The following PTPRD variants were observed in gnomAD, a reference collection of about 807,000 sequenced individuals.
PTPRD encodes protein tyrosine phosphatase receptor type D, also known as receptor-type tyrosine-protein phosphatase delta.
Under a neutral mutation model 214.5 loss-of-function variants are expected in PTPRD, and 34 were observed. The ratio of observed to expected loss-of-function variants is 0.16; its 90% CI spans 0.12 to 0.21. The LOEUF (loss-of-function observed/expected upper bound fraction) is 0.21, where lower values mean the gene tolerates loss of function less well. Ranked by LOEUF, PTPRD falls within the 10% of genes least tolerant of loss-of-function variation. The probability of loss-of-function intolerance (pLI) is 1.00; values close to 1 mark genes in which losing one functional copy is unlikely to be tolerated. For synonymous variants in PTPRD, 1,128 were observed against 845.7 expected, an observed-to-expected ratio of 1.33 and a Z score of -5.79; for missense variants, 2,545 against 2,398.7, an observed-to-expected ratio of 1.06 and a Z score of -1.27.
At chr9:8,761,850 T>C (rs1359398987) in intron 11 of PTPRD, among the ~76,000 whole-genome samples, 1 of 152,182 alleles carries the variant, frequency 6.6e-6, no homozygotes, top group Non-Finnish European at 1.5e-5. Context: ...ATTACAGTTT[T>C]AGTTTTAAAT....
intron 3 of PTPRD, among the ~76,000 whole-genome samples, chr9:10,247,820 C>A (rs746227318): frequency 6.6e-6 from 1 of 152,012 alleles, no homozygotes; most frequent in African/African-American, 2.4e-5. Context: ...ATAAATACAA[C>A]GAGGTGGCAA....
chr9:9,514,184 T>C (rs1343248340), intron 8 of PTPRD, among the ~76,000 whole-genome samples: 1 of 152,040 alleles, frequency 6.6e-6, no homozygotes, highest in Non-Finnish European at 1.5e-5. Context: ...TAGGAAGGAA[T>C]TTTTTCTCCC....
At chr9:10,360,825 A>T (rs111600062) in intron 2 of PTPRD, among the ~76,000 whole-genome samples, 1 of 152,122 alleles carries the variant, frequency 6.6e-6, no homozygotes, top group Non-Finnish European at 1.5e-5. Context: ...CATTAAGGCC[A>T]GGCGCGGTGG....
At chr9:8,925,473 G>GGACAAATT in intron 11 of PTPRD, among the ~76,000 whole-genome samples, 3 of 151,832 alleles carry the variant, frequency 2.0e-5, no homozygotes, top group Non-Finnish European at 4.4e-5. Flanking sequence ...TGTTCTGACA[G>GGACAAATT]GAAAAAAATT....
intron 9 of PTPRD, among the ~76,000 whole-genome samples, chr9:9,316,878 T>G (rs1963467338): frequency 6.6e-6 from 1 of 152,134 alleles, no homozygotes; most frequent in Admixed American, 6.6e-5. Flanking sequence ...AAAACTCTTG[T>G]CTCTTCACTG....
chr9:8,971,789 A>G (rs2099240118), intron 11 of PTPRD, among the ~76,000 whole-genome samples: 1 of 151,566 alleles, frequency 6.6e-6, no homozygotes, highest in Non-Finnish European at 1.5e-5. Context: ...CTGATAATAA[A>G]TCTGAAAAGT....
intron 5 of PTPRD, among the ~76,000 whole-genome samples, chr9:9,818,098 C>A (rs1565492211): frequency 6.6e-6 from 1 of 152,118 alleles, no homozygotes; most frequent in Non-Finnish European, 1.5e-5. Flanking sequence ...AGCTGATAAT[C>A]CATCTAAATG....
At chr9:10,526,276 C>A (rs1451584431) in intron 2 of PTPRD, among the ~76,000 whole-genome samples, 2 of 152,050 alleles carry the variant, frequency 1.3e-5, no homozygotes, top group East Asian at 3.9e-4. Context: ...ATCATGTACT[C>A]TTTCTGACAA....
At chr9:10,440,779 T>A (rs2098753039) in intron 2 of PTPRD, among the ~76,000 whole-genome samples, 1 of 151,640 alleles carries the variant, frequency 6.6e-6, no homozygotes, top group African/African-American at 2.4e-5. Context: ...AAACCAATAT[T>A]AAGGTTGTAG....
At chr9:10,443,952 CTATT>C (rs912153462) in intron 2 of PTPRD, among the ~76,000 whole-genome samples, 7 of 151,284 alleles carry the variant, frequency 4.6e-5, no homozygotes, top group Non-Finnish European at 8.9e-5. Flanking sequence ...TTGCTTTACT[CTATT>C]TATATTAATA....
chr9:10,058,060 T>C (rs927506709), intron 3 of PTPRD, among the ~76,000 whole-genome samples: 10 of 152,096 alleles, frequency 6.6e-5, no homozygotes, highest in African/African-American at 2.2e-4. Context: ...ATGTGTGTAG[T>C]GCTGAGAAGA....
At chr9:9,732,174 G>A (rs907381586) in intron 7 of PTPRD, among the ~76,000 whole-genome samples, 3 of 152,038 alleles carry the variant, frequency 2.0e-5, no homozygotes, top group African/African-American at 7.2e-5. Context: ...AAATAGTGAT[G>A]GTGGGGCTTG....
At chr9:9,557,818 A>T (rs1327862751) in intron 8 of PTPRD, among the ~76,000 whole-genome samples, 1 of 152,132 alleles carries the variant, frequency 6.6e-6, no homozygotes, top group African/African-American at 2.4e-5. Flanking sequence ...GCCCATGCTG[A>T]AGTCTGAGGG....
intron 4 of PTPRD, among the ~76,000 whole-genome samples, chr9:9,942,531 G>T (rs1337093174): frequency 6.6e-6 from 1 of 151,934 alleles, no homozygotes; most frequent in Admixed American, 6.6e-5. Context: ...GAAGGTCAAG[G>T]GGCAAATGAA....
chr9:9,532,882 C>CT (rs1184897270), intron 8 of PTPRD, among the ~76,000 whole-genome samples: 1 of 152,132 alleles, frequency 6.6e-6, no homozygotes, highest in African/African-American at 2.4e-5. Flanking sequence ...TTATGAACTA[C>CT]TGAAACCTCT....
At chr9:10,122,529 A>G (rs1563953619) in intron 3 of PTPRD, among the ~76,000 whole-genome samples, 1 of 152,144 alleles carries the variant, frequency 6.6e-6, no homozygotes, top group Admixed American at 6.5e-5. Flanking sequence ...ATAAGAAAAA[A>G]AAACATCCTT....
intron 6 of PTPRD, among the ~76,000 whole-genome samples, chr9:9,757,802 A>G (rs1351987452): frequency 1.3e-5 from 2 of 152,130 alleles, no homozygotes; most frequent in Non-Finnish European, 2.9e-5. Context: ...AAAAATATGT[A>G]TATACTTTTA....
chr9:8,533,845 G>T (rs566192253), intron 14 of PTPRD, among the ~76,000 whole-genome samples: 4 of 152,052 alleles, frequency 2.6e-5, no homozygotes, highest in Admixed American at 6.6e-5. Flanking sequence ...CACTCATGAG[G>T]TATCTCTCAA....
chr9:9,246,871 C>T (rs2099973285), intron 9 of PTPRD, among the ~76,000 whole-genome samples: 1 of 151,898 alleles, frequency 6.6e-6, no homozygotes, highest in African/African-American at 2.4e-5. Flanking sequence ...AATAATACCC[C>T]AAAATATGGC....
Sources: gnomAD v4.1 joint callset for allele counts (sites outside exome capture counted in the v4.1 genomes callset) on GRCh38, gnomAD v4.1.1 for gene constraint, MANE v1.5 for transcripts, NCBI Gene and HGNC (gene_info 2026-07-23, HGNC 2026-07-21) for gene names.